Variants in LTBP1 observed in about 807,000 individuals in gnomAD.
LTBP1 encodes the protein latent-transforming growth factor beta-binding protein 1.
Under a neutral mutation model 207.6 loss-of-function variants are expected in LTBP1, and 129 were observed. That is an observed-to-expected ratio of 0.62 (90% CI 0.54 to 0.72). The LOEUF (loss-of-function observed/expected upper bound fraction) is 0.72. LTBP1 is among the 30% of genes least tolerant of loss of function. LTBP1 has a pLI of 0.00. For missense variants in LTBP1, 2,281 were observed against 2,217.2 expected, an observed-to-expected ratio of 1.03 and a Z score of -0.58; for synonymous variants, 963 against 833.7, an observed-to-expected ratio of 1.16 and a Z score of -2.67.
intron 24 of LTBP1, among the ~76,000 whole-genome samples, 177 bp downstream of exon 24, chr2:33,315,446 G>A (rs767175300): frequency 1.3e-5 from 2 of 152,192 alleles, no homozygotes; most frequent in South Asian, 2.1e-4. Context: ...TGGGATTTAC[G>A]AAGAGGATAA....
chr2:32,949,449 T>G (rs1476613968), intron 2 of LTBP1, among the ~76,000 whole-genome samples: 1 of 152,230 alleles, frequency 6.6e-6, no homozygotes, highest in Non-Finnish European at 1.5e-5. Context: ...TAGAATGCAC[T>G]TCTCTGCTGC....
chr2:33,131,675 G>C (rs1411398987), intron 4 of LTBP1, among the ~76,000 whole-genome samples: 1 of 152,198 alleles, frequency 6.6e-6, no homozygotes, highest in Non-Finnish European at 1.5e-5. Flanking sequence ...TTTAGAATTA[G>C]ATTACTTTAT....
chr2:33,205,659 C>G (rs1234064081), intron 7 of LTBP1, among the ~76,000 whole-genome samples: 1 of 152,216 alleles, frequency 6.6e-6, no homozygotes, highest in African/African-American at 2.4e-5. Flanking sequence ...CCATAGCCCC[C>G]TGTTCAGAAT....
At chr2:33,395,964 A>T (rs112085263) in intron 32 of LTBP1, among the ~76,000 whole-genome samples, 10 of 150,556 alleles carry the variant, frequency 6.6e-5, no homozygotes, top group African/African-American at 2.4e-4. Context: ...AGGAGATGAG[A>T]GGCCACATGA....
At chr2:33,049,055 A>G (rs1030291394) in intron 3 of LTBP1, among the ~76,000 whole-genome samples, 2 of 152,354 alleles carry the variant, frequency 1.3e-5, no homozygotes, top group Non-Finnish European at 1.5e-5. Flanking sequence ...TAAGAAAGTA[A>G]CCTTTAAAAA....
chr2:33,137,239 T>C (rs1160212720), intron 5 of LTBP1, among the ~76,000 whole-genome samples: 1 of 152,246 alleles, frequency 6.6e-6, no homozygotes, highest in Non-Finnish European at 1.5e-5. Context: ...CTGATTTTTT[T>C]CTTCTCTCTT....
intron 15 of LTBP1, among the ~76,000 whole-genome samples, chr2:33,267,047 G>A (rs746853561): frequency 2.6e-5 from 4 of 152,178 alleles, no homozygotes; most frequent in East Asian, 1.9e-4. Context: ...CCGAGCTTTC[G>A]GGCAGCACTG....
intron 3 of LTBP1, among the ~76,000 whole-genome samples, chr2:33,072,601 A>G (rs1217466422): frequency 6.6e-6 from 1 of 152,174 alleles, no homozygotes; most frequent in Non-Finnish European, 1.5e-5. Flanking sequence ...TTGGGGAGAA[A>G]AAAGTGCAGG....
intron 25 of LTBP1, among the ~76,000 whole-genome samples, chr2:33,343,925 A>G (rs1488554574): frequency 6.6e-6 from 1 of 152,252 alleles, no homozygotes; most frequent in Non-Finnish European, 1.5e-5. Context: ...AAGACTTTAT[A>G]GATAGCAAGA....
chr2:33,017,522 C>G (rs1239789184), intron 2 of LTBP1, among the ~76,000 whole-genome samples: 1 of 152,190 alleles, frequency 6.6e-6, no homozygotes, highest in Non-Finnish European at 1.5e-5. Context: ...ACCACTGATG[C>G]TTGCTGCCAT....
intron 7 of LTBP1, among the ~76,000 whole-genome samples, chr2:33,199,672 A>T (rs1405932618): frequency 3.3e-5 from 5 of 152,342 alleles, no homozygotes; most frequent in Admixed American, 3.3e-4. Flanking sequence ...TTAGGAAAAG[A>T]GGAAGTCAAA....
intron 2 of LTBP1, among the ~76,000 whole-genome samples, chr2:32,958,641 C>T (rs1293074928): frequency 6.6e-6 from 1 of 152,220 alleles, no homozygotes; most frequent in Non-Finnish European, 1.5e-5. Flanking sequence ...AGTAGCATTT[C>T]TGATTTTGCG....
At chr2:33,220,135 A>G (rs2149403305) in intron 8 of LTBP1, among the ~76,000 whole-genome samples, 1 of 152,188 alleles carries the variant, frequency 6.6e-6, no homozygotes, top group East Asian at 1.9e-4. Context: ...AATGAAGTAA[A>G]CTGTTAACAT....
At chr2:33,318,730 T>C (rs1246711433) in intron 24 of LTBP1, among the ~76,000 whole-genome samples, 2 of 152,234 alleles carry the variant, frequency 1.3e-5, no homozygotes, top group African/African-American at 4.8e-5. Context: ...CCAGAGCTTT[T>C]ATCTTGTGTA....
At chr2:33,138,847 T>C (rs1238770788) in intron 5 of LTBP1, among the ~76,000 whole-genome samples, 1 of 117,952 alleles carries the variant, frequency 8.5e-6, no homozygotes, top group Non-Finnish European at 1.7e-5. Flanking sequence ...AAGTATGTTC[T>C]CTTTTTTTTT....
chr2:33,262,681 CTTT>C, intron 13 of LTBP1, 38 bp from the exon 14 acceptor site: 1 of 967,954 alleles, frequency 1.0e-6, no homozygotes, highest in Non-Finnish European at 1.5e-6. Context: ...ACTTTCAATT[CTTT>C]TTTTTTTCTT....
chr2:33,043,583 C>T (rs567178620), intron 3 of LTBP1, among the ~76,000 whole-genome samples: 2 of 151,942 alleles, frequency 1.3e-5, no homozygotes, highest in Admixed American at 6.6e-5. Flanking sequence ...CTAGAATGGC[C>T]GGTTTTAGCT....
intron 20 of LTBP1, 87 bp from the exon 21 acceptor site, chr2:33,300,364 A>G: frequency 7.4e-7 from 1 of 1,351,912 alleles, no homozygotes; most frequent in East Asian, 2.4e-5. Flanking sequence ...TATTTTTGTT[A>G]CACTAATCCC....
At chr2:33,167,557 T>G (rs1455994240) in intron 5 of LTBP1, among the ~76,000 whole-genome samples, 3 of 152,258 alleles carry the variant, frequency 2.0e-5, no homozygotes, top group African/African-American at 7.2e-5. Flanking sequence ...AAGCATTTGT[T>G]GCTTTAAGAG....
Sources: gnomAD v4.1 joint callset for allele counts (sites outside exome capture counted in the v4.1 genomes callset) on GRCh38, gnomAD v4.1.1 for gene constraint, MANE v1.5 for transcripts, NCBI Gene and HGNC (gene_info 2026-07-23, HGNC 2026-07-21) for gene names.